The following PANK1 variants were observed in gnomAD, a reference collection of about 807,000 sequenced individuals.
The protein encoded by PANK1 is pantothenic acid kinase 1.
A neutral mutation model predicts 40.1 loss-of-function variants in PANK1; 18 were observed. The ratio of observed to expected loss-of-function variants is 0.45; its 90% CI spans 0.31 to 0.67. The LOEUF is 0.67. Ranked by LOEUF, PANK1 falls within the 30% of genes least tolerant of loss-of-function variation. PANK1 has a pLI of 0.06. For synonymous variants in PANK1, 242 were observed against 237.7 expected, an observed-to-expected ratio of 1.02 and a Z score of -0.17; for missense variants, 457 against 599.6, an observed-to-expected ratio of 0.76 and a Z score of 2.48.
At chr10:89,644,466 C>G (rs1051178085) in intron 1 of PANK1, 134 bp downstream of exon 1, 19 of 729,866 alleles carry the variant, frequency 2.6e-5, no homozygotes, top group Non-Finnish European at 3.9e-5. Context: ...CGGGAACCTA[C>G]TCTGTGCAGT....
intron 1 of PANK1, among the ~76,000 whole-genome samples, chr10:89,640,570 A>T (rs1453654831): frequency 6.6e-6 from 1 of 152,214 alleles, no homozygotes; most frequent in Non-Finnish European, 1.5e-5. Flanking sequence ...TGTCATCCCA[A>T]GGTCCCAAGA....
intron 2 of PANK1, among the ~76,000 whole-genome samples, chr10:89,604,217 A>T (rs975465400): frequency 6.6e-6 from 1 of 152,198 alleles, no homozygotes; most frequent in African/African-American, 2.4e-5. Flanking sequence ...TTTTACTTTT[A>T]AAGTAACTAA....
intron 1 of PANK1, among the ~76,000 whole-genome samples, chr10:89,614,564 G>A (rs1189461206): frequency 6.6e-6 from 1 of 152,180 alleles, no homozygotes; most frequent in Non-Finnish European, 1.5e-5. Context: ...TTGGGAGGCT[G>A]AGGCAGGCAG....
At chr10:89,625,029 G>A (rs1845616217) in intron 1 of PANK1, among the ~76,000 whole-genome samples, 1 of 152,160 alleles carries the variant, frequency 6.6e-6, no homozygotes, top group South Asian at 2.1e-4. Context: ...ATCCTGAGTA[G>A]CTAGGACTAT....
At chr10:89,595,831 AAAATATATATATATATAT>A (rs1397170981) in intron 3 of PANK1, among the ~76,000 whole-genome samples, 12 of 56,698 alleles carry the variant, frequency 2.1e-4, no homozygotes, top group South Asian at 7.4e-4. Context: ...AAAAAAAAAA[AAAATATATATATATATAT>A]ATATATATAT....
At chr10:89,639,356 C>T (rs1487769649) in intron 1 of PANK1, 3 of 298,704 alleles carry the variant, frequency 1.0e-5, no homozygotes, top group Non-Finnish European at 2.1e-5. Flanking sequence ...TAAGCCCCAC[C>T]TTCTAACACT....
intron 5 of PANK1, among the ~76,000 whole-genome samples, chr10:89,590,649 T>C (rs1844354408): frequency 6.6e-6 from 1 of 152,104 alleles, no homozygotes. Flanking sequence ...TAAATAATAG[T>C]AAAAGACTGG....
chr10:89,589,231 C>A (rs1385911523), intron 5 of PANK1, among the ~76,000 whole-genome samples: 2 of 152,134 alleles, frequency 1.3e-5, no homozygotes, highest in African/African-American at 4.8e-5. Flanking sequence ...TTGTTCTGTG[C>A]TGGACACTAG....
intron 1 of PANK1, among the ~76,000 whole-genome samples, chr10:89,627,572 G>A (rs564005720): frequency 1.3e-5 from 2 of 152,312 alleles, no homozygotes; most frequent in African/African-American, 4.8e-5. Context: ...CTGCTAAACA[G>A]TCAGGATGCG....
Position 89,626,959 on chromosome 10 carries a change from G to A in PANK1, c.293-14911C>T, listed in dbSNP as rs540886224. The stretch of plus-strand genomic sequence containing the variant: ...AGCATGGTTAATTAAAGAGGCTTCA[G>A]GGAGAACAGCATTGCTGGGTGACAT... On this transcript the variant is annotated intron_variant, in intron 1 of 6. Coordinates refer to ENST00000307534, the MANE Select transcript of PANK1 (RefSeq NM_148977.3). 5.9e-5 allele frequency among the ~76,000 whole-genome samples: 9 copies of A among 152,278 alleles called. No individual in the cohort carries two copies. In the South Asian group the frequency reaches 1.7e-3, roughly 28 times the overall value.
chr10:89,644,618 C>T lies in PANK1; in HGVS notation c.274G>A (p.Gly92Arg). ...KCRLRRRMDSGRKNRPPFPWF... is the reference protein window; with the variant it reads ...KCRLRRRMDSRRKNRPPFPWF... ...GACTTACGCGGCCTGTTCTTTCTCCCCGAGTCCATCCTCCTCCGCAGCCGG... is the reference window on the plus strand; with the variant it reads ...GACTTACGCGGCCTGTTCTTTCTCCTCGAGTCCATCCTCCTCCGCAGCCGG... Residue 92 changes from glycine to arginine, a missense_variant, in exon 1 of 7, where the codon GGG (glycine) becomes AGG (arginine). Physicochemically the swap from Gly to Arg is moderately radical, Grantham distance 125. Coordinates refer to ENST00000307534, the MANE Select transcript of PANK1 (RefSeq NM_148977.3). 1 of 1,588,852 alleles carries T rather than the reference C, an allele frequency of 6.3e-7. No homozygotes were observed. The highest frequency in any genetic ancestry group is 8.5e-7 in the Non-Finnish European group (1 of 1,172,652).
At chr10:89,584,727 T>A (rs1844143207) in intron 6 of PANK1, among the ~76,000 whole-genome samples, 1 of 152,218 alleles carries the variant, frequency 6.6e-6, no homozygotes, top group Non-Finnish European at 1.5e-5. Context: ...GTATTATAAC[T>A]ATTTCATCTT....
chr10:89,644,532 G>T (rs532862033), intron 1 of PANK1, 68 bp downstream of exon 1: 3 of 1,415,796 alleles, frequency 2.1e-6, no homozygotes, highest in Non-Finnish European at 2.9e-6. Flanking sequence ...TGCCTCAGCC[G>T]CTCCCAGTCC....
chr10:89,585,973 T>C (rs780545788), intron 6 of PANK1, among the ~76,000 whole-genome samples: 5 of 152,198 alleles, frequency 3.3e-5, no homozygotes, highest in Non-Finnish European at 5.9e-5. Context: ...AGTTATGATA[T>C]AGGGTAACAA....
chr10:89,641,687 G>A (rs1417993550), intron 1 of PANK1, among the ~76,000 whole-genome samples: 4 of 151,284 alleles, frequency 2.6e-5, no homozygotes, highest in Non-Finnish European at 4.4e-5. Context: ...AGCCAAGATC[G>A]TGCCACTGCA....
At chr10:89,604,430 G>A (rs1479869803) in intron 2 of PANK1, among the ~76,000 whole-genome samples, 1 of 152,100 alleles carries the variant, frequency 6.6e-6, no homozygotes, top group Non-Finnish European at 1.5e-5. Flanking sequence ...GGTGGCTTAT[G>A]CCTGTAATCC....
chr10:89,584,659 T>A (rs1045999218), intron 6 of PANK1, among the ~76,000 whole-genome samples, 194 bp from the exon 7 acceptor site: 1 of 152,222 alleles, frequency 6.6e-6, no homozygotes, highest in African/African-American at 2.4e-5. Context: ...CATTCACATA[T>A]GTAAATGCTT....
At chr10:89,586,604 TTAAA>T (rs1404946307) in intron 6 of PANK1, among the ~76,000 whole-genome samples, 1 of 152,238 alleles carries the variant, frequency 6.6e-6, no homozygotes, top group Admixed American at 6.5e-5. Context: ...TGGTAACTTC[TTAAA>T]TAAATAGCTC....
Position 89,595,850 on chromosome 10 carries a change from ATATATATATATATATATATATAT to A in PANK1, c.900-1884_900-1862del, listed in dbSNP as rs1312216183. On this transcript the variant is annotated intron_variant, in intron 3 of 6. Coordinates refer to ENST00000307534, the MANE Select transcript of PANK1 (RefSeq NM_148977.3). ...AAAAAAAAAATATATATATATATAT[ATATATATATATATATATATATAT>A]AACTTCATTTACTAATATATATATG... Among the ~76,000 whole-genome samples the A allele has an allele frequency of 1.3e-3, 130 of 103,616 alleles. 7 individuals carry two copies. Among genetic ancestry groups the A allele is most frequent in the African/African-American group, 6.5e-3 (129 of 19,936 alleles). The allele number at this position is 103,616 out of a possible 152,430, so 68.0% of individuals were successfully genotyped here.
Sources: gnomAD v4.1 joint callset for allele counts (sites outside exome capture counted in the v4.1 genomes callset) on GRCh38, gnomAD v4.1.1 for gene constraint, MANE v1.5 for transcripts, NCBI Gene and HGNC (gene_info 2026-07-23, HGNC 2026-07-21) for gene names.